VWA8: variants seen among roughly 807,000 people sequenced by gnomAD.
VWA8 encodes von Willebrand factor A domain-containing protein 8.
In VWA8, 221 loss-of-function variants were observed where a neutral mutation model predicts 241.5. The ratio of observed to expected loss-of-function variants is 0.91; its 90% CI spans 0.82 to 1.02. VWA8 has a LOEUF of 1.02. Among genes scored for constraint, VWA8 ranks in the 50% least tolerant of loss-of-function variants. VWA8 has a pLI of 0.00. For missense variants in VWA8, 2,322 were observed against 2,328.7 expected (o/e 1.00, Z 0.06); for synonymous variants, 852 against 827.1 (o/e 1.03, Z -0.52).
intron 37 of VWA8, among the ~76,000 whole-genome samples, chr13:41,638,916 G>C (rs1250961776): frequency 6.6e-6 from 1 of 152,166 alleles, no homozygotes; most frequent in African/African-American, 2.4e-5. Flanking sequence ...GATGGAGCCA[G>C]TGCCTGAGCA....
chr13:41,575,798 C>T lies in VWA8; in HGVS notation c.5312G>A (p.Gly1771Asp), dbSNP rs755650390. 5 of 1,613,286 alleles carry T rather than the reference C, an allele frequency of 3.1e-6. No individual in the cohort carries two copies. In the African/African-American group the frequency reaches 6.7e-5, roughly 22 times the overall value. ...GGGGATTTTGTTCATTGGAACCAGA[C>T]CAATGTTGTAGCCATCTCCAGAGTG... Reference protein sequence around the residue: ...VGHSGDGYNIGLVPMNKIPKD... With the variant: ...VGHSGDGYNIDLVPMNKIPKD... The change falls in exon 43 of 45, where the codon GGT (glycine) becomes GAT (aspartate). Residue 1771 changes from glycine (G) to aspartate (D), a missense_variant. By Grantham distance (94) the Gly-to-Asp change is moderately conservative (BLOSUM62 -1). Coordinates refer to ENST00000379310, the MANE Select transcript of VWA8 (RefSeq NM_015058.2).
intron 20 of VWA8, 87 bp from the exon 21 acceptor site, chr13:41,761,291 C>T: frequency 7.8e-7 from 1 of 1,282,352 alleles, no homozygotes; most frequent in East Asian, 2.3e-5. Context: ...TTTACCAAAA[C>T]CTGCTTTCTC....
intron 12 of VWA8, among the ~76,000 whole-genome samples, chr13:41,854,424 G>A (rs751154301): frequency 2.0e-5 from 3 of 150,432 alleles, no homozygotes; most frequent in South Asian, 4.2e-4. Flanking sequence ...GACTATGATG[G>A]TGCATAAGTT....
rs149755830 is a variant in VWA8, at chr13:41,848,060, G to C, written c.1426-14529C>G. Among the ~76,000 whole-genome samples the C allele has an allele frequency of 5.4e-3, 818 of 152,246 alleles. 5 individuals are homozygous for C. The highest frequency in any genetic ancestry group is 0.035 in the South Asian group (167 of 4,828). Reference sequence around the variant, plus strand: ...TAGATCCTGCAAAAAACAAATGATGGAATATTGACAACTGGCTATGAGGGG... The same window carrying C: ...TAGATCCTGCAAAAAACAAATGATGCAATATTGACAACTGGCTATGAGGGG... On this transcript the variant is annotated intron_variant, in intron 12 of 44. Coordinates refer to ENST00000379310, the MANE Select transcript of VWA8 (RefSeq NM_015058.2).
chr13:41,792,228 T>G (rs1388244021), intron 17 of VWA8, among the ~76,000 whole-genome samples: 2 of 151,230 alleles, frequency 1.3e-5, no homozygotes, highest in African/African-American at 4.9e-5. Flanking sequence ...AGTCCCTGAA[T>G]GCCAGTGCTT....
chr13:41,650,572 C>G (rs1442525689), intron 37 of VWA8, among the ~76,000 whole-genome samples: 1 of 152,212 alleles, frequency 6.6e-6, no homozygotes, highest in South Asian at 2.1e-4. Flanking sequence ...CTCTGAGGGA[C>G]CTCGTAAAAG....
chr13:41,921,697 G>A (rs1257054096), intron 2 of VWA8, among the ~76,000 whole-genome samples: 1 of 152,078 alleles, frequency 6.6e-6, no homozygotes, highest in African/African-American at 2.4e-5. Flanking sequence ...GCTTCAAAGA[G>A]AATAAAATAC....
chr13:41,931,825 G>A (rs140334106), intron 2 of VWA8, among the ~76,000 whole-genome samples: 8 of 152,134 alleles, frequency 5.3e-5, no homozygotes, highest in Non-Finnish European at 1.2e-4. Flanking sequence ...GCTGTACTTG[G>A]GGAAAATTTT....
chr13:41,865,737 T>TGA lies in VWA8; in HGVS notation c.1422_1423dup (p.Gln475LeufsTer4). 2 of 1,613,642 alleles carry TGA rather than the reference T, an allele frequency of 1.2e-6. No individual in the cohort carries two copies. The highest frequency in any genetic ancestry group is 4.5e-5 in the East Asian group (2 of 44,870). On this transcript the variant is annotated frameshift_variant and splice_region_variant, in exon 12 of 45. Transcript: ENST00000379310. LOFTEE classifies it high-confidence loss of function. ...TGCAGCTAAAAATGAACACTGTACC[T>TGA]GATAGAGCATAATAGGTTCTATGTT...
intron 4 of VWA8, among the ~76,000 whole-genome samples, chr13:41,906,135 T>C (rs1420617400): frequency 6.6e-6 from 1 of 152,128 alleles, no homozygotes; most frequent in African/African-American, 2.4e-5. Flanking sequence ...CCATTTTAAG[T>C]GCATTTTTTT....
Position 41,886,043 on chromosome 13 carries a change from A to G in VWA8, c.867-15T>C, listed in dbSNP as rs1353349033. 3.3e-6 allele frequency: 5 copies of G among 1,510,110 alleles called. No individual in the cohort carries two copies. The highest frequency in any genetic ancestry group is 2.8e-5 in the African/African-American group (2 of 70,190). The allele number at this position is 1,510,110 out of a possible 1,614,324, so 93.5% of individuals were successfully genotyped here. On this transcript the variant is annotated splice_polypyrimidine_tract_variant and intron_variant, in intron 7 of 44. Transcript: ENST00000379310. ...GCTGAGAAACTCTAAGGGAAAAATG[A>G]TATTAAATTTTAATAGTTTTAAAAT...
At chr13:41,655,290 T>C (rs1485552951) in intron 37 of VWA8, among the ~76,000 whole-genome samples, 2 of 152,056 alleles carry the variant, frequency 1.3e-5, no homozygotes, top group Non-Finnish European at 2.9e-5. Context: ...GGTTTCGCCA[T>C]GTTGGCCAGG....
Position 41,647,051 on chromosome 13 carries a change from A to T in VWA8, c.4611+23895T>A, listed in dbSNP as rs1240010279. ...TGGAGAGATACATGTAGAATACTTAACAGTGATGGGCAGGCTTCAGTACCT... is the reference window on the plus strand; with the variant it reads ...TGGAGAGATACATGTAGAATACTTATCAGTGATGGGCAGGCTTCAGTACCT... On this transcript the variant is annotated intron_variant, in intron 37 of 44. Transcript: ENST00000379310. Among the ~76,000 whole-genome samples the T allele has an allele frequency of 2.0e-5, 3 of 152,360 alleles. No individual in the cohort carries two copies. In the East Asian group the frequency reaches 5.8e-4, roughly 29 times the overall value.
chr13:41,928,688 G>A (rs1020517311), intron 2 of VWA8, among the ~76,000 whole-genome samples: 1 of 151,840 alleles, frequency 6.6e-6, no homozygotes, highest in Non-Finnish European at 1.5e-5. Context: ...TCGAAAAAAA[G>A]AAATAAACCC....
chr13:41,643,193 G>T (rs939644400), intron 37 of VWA8, among the ~76,000 whole-genome samples: 2 of 152,102 alleles, frequency 1.3e-5, no homozygotes, highest in Non-Finnish European at 2.9e-5. Flanking sequence ...TTTCTCTTGG[G>T]AATAAGCCCT....
chr13:41,907,575 A>G lies in VWA8; in HGVS notation c.483+11T>C. The G allele has an allele frequency of 6.2e-7, 1 of 1,613,100 alleles. No individual in the cohort carries two copies. Among genetic ancestry groups the G allele is most frequent in the South Asian group, 1.1e-5 (1 of 91,050 alleles). ...GTACACAGTCATGGGCTAGAGTGTG[A>G]CAGAACTTGCCTGATCAATGTAAAA... is the stretch of plus-strand genomic sequence containing the variant. On this transcript the variant is annotated intron_variant, in intron 4 of 44. Coordinates refer to ENST00000379310, the MANE Select transcript of VWA8 (RefSeq NM_015058.2).
chr13:41,695,409 C>T (rs959890213), intron 29 of VWA8, among the ~76,000 whole-genome samples: 4 of 151,988 alleles, frequency 2.6e-5, no homozygotes, highest in East Asian at 1.9e-4. Flanking sequence ...AAGGAATAGC[C>T]GAATTCATGG....
At chr13:41,684,116 T>C (rs1193745632) in intron 35 of VWA8, among the ~76,000 whole-genome samples, 1 of 152,198 alleles carries the variant, frequency 6.6e-6, no homozygotes, top group Non-Finnish European at 1.5e-5. Context: ...TGTACTAGAA[T>C]TGTCAGTTTA....
rs367830880 is a variant in VWA8, at chr13:41,729,553, C to A, written c.2627G>T (p.Arg876Leu). The change falls in exon 23 of 45, where the codon CGC becomes CTC. Residue 876 changes from arginine to leucine, a missense_variant. Physicochemically the swap from Arg to Leu is moderately radical, Grantham distance 102. Transcript: ENST00000379310. ...NGEMILADGR[R>L]IVANSANVNG... is the part of the protein sequence containing the mutation. ...TCTAAAATACTCACTTGCAACAATG[C>A]GTCTTCCATCTGCTAGAATCATTTC... The A allele has an allele frequency of 3.1e-6, 5 of 1,610,168 alleles. No homozygotes were observed. In the African/African-American group the frequency reaches 4.0e-5, roughly 13 times the overall value.
Sources: gnomAD v4.1 joint callset for allele counts (sites outside exome capture counted in the v4.1 genomes callset) on GRCh38, gnomAD v4.1.1 for gene constraint, MANE v1.5 for transcripts, NCBI Gene and HGNC (gene_info 2026-07-23, HGNC 2026-07-21) for gene names.